The following MAPK10 variants were observed in gnomAD, a reference collection of about 807,000 sequenced individuals.
MAPK10 encodes the protein JNK3 alpha protein kinase.
MAPK10 carries 25 observed loss-of-function variants against 59.3 expected under a neutral mutation model. That is an observed-to-expected ratio of 0.42 (90% CI 0.31 to 0.59). The LOEUF is 0.59. MAPK10 is among the 20% of genes least tolerant of loss of function. MAPK10 has a pLI of 0.15. For synonymous variants in MAPK10, 190 were observed against 200.5 expected (o/e 0.95, Z 0.44); for missense variants, 351 against 568.9 (o/e 0.62, Z 3.90).
At chr4:86,299,313 T>C (rs559940143) in intron 2 of MAPK10, among the ~76,000 whole-genome samples, 28 of 152,340 alleles carry the variant, frequency 1.8e-4, no homozygotes, top group Admixed American at 1.8e-3. Flanking sequence ...ATGGTCTGAA[T>C]GTCTATGTCA....
chr4:86,501,579 C>T (rs1434198287), intron 1 of MAPK10, among the ~76,000 whole-genome samples: 2 of 151,910 alleles, frequency 1.3e-5, no homozygotes, highest in African/African-American at 4.8e-5. Context: ...TTGGGTTAAA[C>T]CCATAATATC....
chr4:86,240,521 A>C (rs1050116278), intron 2 of MAPK10, among the ~76,000 whole-genome samples: 8 of 151,518 alleles, frequency 5.3e-5, no homozygotes, highest in African/African-American at 1.5e-4. Flanking sequence ...AATTGTGGGT[A>C]CTCCTGTATT....
chr4:86,116,653 G>A (rs750198419), intron 4 of MAPK10, among the ~76,000 whole-genome samples: 6 of 152,184 alleles, frequency 3.9e-5, no homozygotes. Context: ...AAACGTTGTG[G>A]CATTCTCCCT....
At chr4:86,411,484 C>A (rs940411443) in intron 1 of MAPK10, among the ~76,000 whole-genome samples, 2 of 152,132 alleles carry the variant, frequency 1.3e-5, no homozygotes, top group Non-Finnish European at 2.9e-5. Flanking sequence ...ATTGATCTGT[C>A]TAATATTGAC....
At chr4:86,136,266 T>C (rs1330992536) in intron 4 of MAPK10, among the ~76,000 whole-genome samples, 1 of 151,612 alleles carries the variant, frequency 6.6e-6, no homozygotes, top group African/African-American at 2.4e-5. Flanking sequence ...AAGGAAAAAA[T>C]GTTAAGGGCA....
intron 1 of MAPK10, among the ~76,000 whole-genome samples, chr4:86,426,797 T>C (rs2149037599): frequency 6.6e-6 from 1 of 152,224 alleles, no homozygotes; most frequent in South Asian, 2.1e-4. Flanking sequence ...GAAATAATAC[T>C]AGTACCTACC....
intron 2 of MAPK10, among the ~76,000 whole-genome samples, chr4:86,243,133 G>C (rs1200753650): frequency 6.6e-6 from 1 of 152,172 alleles, no homozygotes; most frequent in Non-Finnish European, 1.5e-5. Flanking sequence ...ATTTTGATGA[G>C]AGAAACTGGA....
At chr4:86,173,694 A>G (rs544288496) in intron 3 of MAPK10, among the ~76,000 whole-genome samples, 25 of 152,306 alleles carry the variant, frequency 1.6e-4, no homozygotes, top group African/African-American at 6.0e-4. Context: ...TGAACAGGCA[A>G]CCTACAGAAT....
rs571194267 is a variant in MAPK10 at position 86,458,577 on chromosome 4, C to A, written c.-262-103933G>T. Among the ~76,000 whole-genome samples the A allele has an allele frequency of 6.6e-5, 10 of 152,234 alleles. No individual in the cohort carries two copies. The South Asian group carries it at 2.1e-3, about 32-fold the overall frequency. ...GCTGGTATAAATATAGGCATATAGA[C>A]CAATGTAATAGAATAGAAAACCCAG... On this transcript the variant is annotated intron_variant, in intron 1 of 4. Transcript: ENST00000502302.
intron 9 of MAPK10, chr4:86,090,725 T>C (rs1348980398): frequency 6.6e-6 from 1 of 152,158 alleles, no homozygotes; most frequent in Non-Finnish European, 1.5e-5. Context: ...TTTGACTAAA[T>C]TGCTATTTAT....
chr4:86,374,421 A>T (rs61194850), intron 1 of MAPK10, among the ~76,000 whole-genome samples: 3,278 of 152,264 alleles, frequency 0.022, 108 homozygotes, highest in African/African-American at 0.067. Flanking sequence ...AAAAATTTTT[A>T]AAAAGATGTA....
chr4:86,263,000 G>A (rs920804076), intron 2 of MAPK10, among the ~76,000 whole-genome samples: 2 of 152,190 alleles, frequency 1.3e-5, no homozygotes, highest in Non-Finnish European at 2.9e-5. Flanking sequence ...AGGAGATGAA[G>A]TATTTACTCC....
chr4:86,146,371 G>A (rs369606475), intron 4 of MAPK10, among the ~76,000 whole-genome samples: 1 of 152,164 alleles, frequency 6.6e-6, no homozygotes, highest in Admixed American at 6.5e-5. Context: ...AAAATACAAG[G>A]TTATGTAGAA....
At chr4:86,061,386 T>TGAGAGTTGA (rs2045728982) in intron 11 of MAPK10, among the ~76,000 whole-genome samples, 1 of 152,186 alleles carries the variant, frequency 6.6e-6, no homozygotes, top group African/African-American at 2.4e-5. Flanking sequence ...CTCTAAACAT[T>TGAGAGTTGA]ATTTGAATAA....
chr4:86,499,464 C>G (rs1198087722), intron 1 of MAPK10, among the ~76,000 whole-genome samples: 2 of 152,108 alleles, frequency 1.3e-5, no homozygotes, highest in Non-Finnish European at 2.9e-5. Flanking sequence ...TATTTTCTTG[C>G]CAGGGCCACA....
At chr4:86,233,418 G>C (rs2091854994) in intron 2 of MAPK10, among the ~76,000 whole-genome samples, 1 of 152,044 alleles carries the variant, frequency 6.6e-6, no homozygotes, top group Non-Finnish European at 1.5e-5. Context: ...TAAACTCTCT[G>C]ACTGACTGCC....
At chr4:86,024,751 T>C (rs1441274513) in intron 13 of MAPK10, 1 of 152,234 alleles carries the variant, frequency 6.6e-6, no homozygotes, top group Non-Finnish European at 1.5e-5. Context: ...AATCACTTTG[T>C]TGCAGTTGTC....
intron 11 of MAPK10, among the ~76,000 whole-genome samples, chr4:86,035,964 G>A (rs2040207640): frequency 6.6e-6 from 1 of 152,168 alleles, no homozygotes; most frequent in African/African-American, 2.4e-5. Context: ...AGATATGTGG[G>A]TATAGAGAGT....
At chr4:86,476,185 C>CTAG (rs1313760336) in intron 1 of MAPK10, among the ~76,000 whole-genome samples, 1 of 152,050 alleles carries the variant, frequency 6.6e-6, no homozygotes, top group East Asian at 1.9e-4. Flanking sequence ...ATTGCTGAGT[C>CTAG]TTTCTAATCT....
Sources: allele counts gnomAD v4.1 joint callset (sites outside exome capture counted in the v4.1 genomes callset), GRCh38; gene constraint gnomAD v4.1.1; transcripts MANE v1.5; gene names NCBI Gene and HGNC (gene_info 2026-07-23, HGNC 2026-07-21).